The following PSD3 variants were observed in gnomAD, a reference collection of about 807,000 sequenced individuals.
PSD3 encodes the protein PH and SEC7 domain-containing protein 3.
A neutral mutation model predicts 105.5 loss-of-function variants in PSD3; 49 were observed. That is an observed-to-expected ratio of 0.46 (90% CI 0.37 to 0.59). The LOEUF is 0.59. Among genes scored for constraint, PSD3 ranks in the 20% least tolerant of loss-of-function variants. The probability of loss-of-function intolerance (pLI) is 0.00; values close to 1 mark genes in which losing one functional copy is unlikely to be tolerated. For missense variants in PSD3, 1,561 were observed against 1,263.8 expected, an observed-to-expected ratio of 1.24 and a Z score of -3.57; for synonymous variants, 557 against 457.8, an observed-to-expected ratio of 1.22 and a Z score of -2.77.
intron 9 of PSD3, among the ~76,000 whole-genome samples, chr8:18,672,843 A>G (rs1005323246): frequency 6.6e-6 from 1 of 152,202 alleles, no homozygotes. Flanking sequence ...TTTCTTAAAA[A>G]GTAGTCTCCA....
chr8:18,562,973 G>C (rs1203325013), intron 14 of PSD3, among the ~76,000 whole-genome samples: 2 of 152,062 alleles, frequency 1.3e-5, no homozygotes, highest in African/African-American at 2.4e-5. Context: ...TGTTACTCTA[G>C]ATCACACCAC....
chr8:19,066,778 A>C (rs542198121), intron 1 of PSD3, among the ~76,000 whole-genome samples: 2 of 152,218 alleles, frequency 1.3e-5, no homozygotes, highest in Non-Finnish European at 2.9e-5. Context: ...CAACATGCCC[A>C]CCCACCCATA....
intron 2 of PSD3, among the ~76,000 whole-genome samples, chr8:18,929,047 G>C (rs779129306): frequency 1.3e-5 from 2 of 152,142 alleles, no homozygotes; most frequent in African/African-American, 2.4e-5. Flanking sequence ...ACAATTCTAT[G>C]AACGTACTAA....
chr8:18,590,827 T>C (rs768402319), intron 12 of PSD3, among the ~76,000 whole-genome samples: 24 of 152,236 alleles, frequency 1.6e-4, no homozygotes, highest in Admixed American at 8.5e-4. Flanking sequence ...TAATTACATA[T>C]CATTTCACAG....
rs1281704168 is a variant in PSD3, at chr8:18,774,841, T to C, written c.2083-9303A>G. On this transcript the variant is annotated intron_variant, in intron 8 of 15. Coordinates refer to ENST00000327040, the MANE Select transcript of PSD3 (RefSeq NM_015310.4). ...CGGCGACATACATCTGGGACAGGTC[T>C]ACCTTCAGGTTGTCCAGCTGTCTTA... 3.1e-5 allele frequency: 14 copies of C among 455,412 alleles called. No individual in the cohort carries two copies. In the East Asian group the frequency reaches 9.7e-4, roughly 32 times the overall value. 28.2% of individuals were successfully genotyped at this position (455,412 alleles called of 1,614,324 possible).
At chr8:18,850,099 G>T (rs1308601867) in intron 4 of PSD3, among the ~76,000 whole-genome samples, 1 of 152,206 alleles carries the variant, frequency 6.6e-6, no homozygotes, top group Non-Finnish European at 1.5e-5. Flanking sequence ...CAGGATAGAT[G>T]TACTTCTCTG....
At chr8:18,985,223 C>A (rs1417408141) in intron 1 of PSD3, among the ~76,000 whole-genome samples, 1 of 152,150 alleles carries the variant, frequency 6.6e-6, no homozygotes, top group Non-Finnish European at 1.5e-5. Context: ...CGTGAGTCAC[C>A]GCGCCCGGTC....
chr8:18,830,114 C>A (rs548783110), intron 4 of PSD3, among the ~76,000 whole-genome samples: 2 of 152,086 alleles, frequency 1.3e-5, no homozygotes, highest in African/African-American at 4.8e-5. Context: ...ACTACAGGCA[C>A]GTGCCACAAC....
At chr8:18,755,672 C>G (rs1445322986) in intron 9 of PSD3, among the ~76,000 whole-genome samples, 2 of 151,626 alleles carry the variant, frequency 1.3e-5, no homozygotes, top group South Asian at 2.1e-4. Context: ...TTCCTTTTTT[C>G]TTTTTTTGGG....
chr8:18,554,706 G>C (rs1428073605), intron 15 of PSD3, among the ~76,000 whole-genome samples: 1 of 152,046 alleles, frequency 6.6e-6, no homozygotes, highest in Non-Finnish European at 1.5e-5. Flanking sequence ...GGTAGGGGGA[G>C]GTATTACGGA....
At chr8:19,022,096 T>A (rs941240477) in intron 1 of PSD3, among the ~76,000 whole-genome samples, 3 of 151,852 alleles carry the variant, frequency 2.0e-5, no homozygotes, top group Non-Finnish European at 4.4e-5. Context: ...AGGAGAAGGG[T>A]TGGGGGGAGG....
chr8:18,549,731 G>A (rs770343362), intron 15 of PSD3, among the ~76,000 whole-genome samples: 1 of 152,170 alleles, frequency 6.6e-6, no homozygotes, highest in Non-Finnish European at 1.5e-5. Flanking sequence ...TCACACCTAG[G>A]TGGTTTACAT....
chr8:18,587,249 T>C (rs1803259877), intron 12 of PSD3, among the ~76,000 whole-genome samples: 2 of 152,178 alleles, frequency 1.3e-5, no homozygotes, highest in South Asian at 4.1e-4. Context: ...GGGGACACTA[T>C]GCCACCTAAG....
At chr8:18,720,108 TG>T (rs1802857073) in intron 9 of PSD3, among the ~76,000 whole-genome samples, 1 of 152,148 alleles carries the variant, frequency 6.6e-6, no homozygotes, top group East Asian at 1.9e-4. Context: ...CCATTTCCAA[TG>T]TATGGGAAAC....
intron 9 of PSD3, among the ~76,000 whole-genome samples, chr8:18,680,367 A>T (rs1800313793): frequency 6.6e-6 from 1 of 152,168 alleles, no homozygotes; most frequent in Admixed American, 6.5e-5. Context: ...AATCAATTAG[A>T]ATCTAATTGA....
intron 1 of PSD3, among the ~76,000 whole-genome samples, chr8:18,995,196 G>A (rs569984980): frequency 6.6e-6 from 1 of 152,246 alleles, no homozygotes; most frequent in Admixed American, 6.5e-5. Flanking sequence ...TTTGCCTATA[G>A]CTCCAAAGCA....
chr8:18,701,995 A>G (rs1393766877), intron 9 of PSD3, among the ~76,000 whole-genome samples: 1 of 152,208 alleles, frequency 6.6e-6, no homozygotes, highest in Non-Finnish European at 1.5e-5. Flanking sequence ...TGAAAACAAA[A>G]AAGAAGCAAA....
At chr8:18,615,663 A>C (rs1805603686) in intron 11 of PSD3, among the ~76,000 whole-genome samples, 1 of 152,198 alleles carries the variant, frequency 6.6e-6, no homozygotes, top group Non-Finnish European at 1.5e-5. Flanking sequence ...CAGTTTCTAG[A>C]CCTTTTTACA....
intron 14 of PSD3, among the ~76,000 whole-genome samples, chr8:18,568,451 G>A (rs1230498524): frequency 7.9e-5 from 12 of 151,686 alleles, no homozygotes; most frequent in Admixed American, 6.6e-5. Context: ...GAAGCAAGGG[G>A]GGAAATCAAG....
Sources: allele counts gnomAD v4.1 joint callset (sites outside exome capture counted in the v4.1 genomes callset), GRCh38; gene constraint gnomAD v4.1.1; transcripts MANE v1.5; gene names NCBI Gene and HGNC (gene_info 2026-07-23, HGNC 2026-07-21).